Variants in DMD observed in about 807,000 individuals in gnomAD.
The protein encoded by DMD is dystrophin.
Under a neutral mutation model 330.1 loss-of-function variants are expected in DMD, and 63 were observed. That is an observed-to-expected ratio of 0.19 (90% confidence interval 0.16 to 0.24). DMD has a LOEUF of 0.24. Among genes scored for constraint, DMD ranks in the 10% least tolerant of loss-of-function variants. The pLI, the probability that DMD is intolerant of heterozygous loss-of-function variation, is 1.00. For synonymous variants in DMD, 1,223 were observed against 959.8 expected, an observed-to-expected ratio of 1.27 and a Z score of -5.07; for missense variants, 3,344 against 2,684.1, an observed-to-expected ratio of 1.25 and a Z score of -5.43.
intron 48 of DMD, among the ~76,000 whole-genome samples, chrX:31,856,638 G>A (rs1350840369): frequency 8.9e-6 from 1 of 111,829 alleles, no homozygotes; most frequent in East Asian, 2.8e-4. Flanking sequence ...CTAACAAATT[G>A]GACTTTAGTT....
chrX:31,228,275 T>G (rs5927710), intron 63 of DMD, among the ~76,000 whole-genome samples: 3 of 83,995 alleles, frequency 3.6e-5, no homozygotes, highest in East Asian at 3.8e-4. Context: ...AATAAAAAAA[T>G]AAAAAAAAAA....
intron 43 of DMD, among the ~76,000 whole-genome samples, chrX:32,234,907 T>G (rs2097181899): frequency 8.9e-6 from 1 of 111,846 alleles, no homozygotes; most frequent in Non-Finnish European, 1.9e-5. Flanking sequence ...TTAAGTCATC[T>G]TTTAATGTTC....
chrX:32,645,254 T>G, intron 9 of DMD, 102 bp from the exon 10 acceptor site: 1 of 899,491 alleles, frequency 1.1e-6, no homozygotes, highest in Non-Finnish European at 1.6e-6. Flanking sequence ...ATGCTAGGAC[T>G]GTCCACTGGC....
At chrX:33,062,334 T>C (rs1455457178) in intron 1 of DMD, among the ~76,000 whole-genome samples, 1 of 111,827 alleles carries the variant, frequency 8.9e-6, no homozygotes, top group African/African-American at 3.3e-5. Context: ...GAATTCTTGA[T>C]CCAACCTCTA....
At chrX:31,594,860 C>A (rs1407068333) in intron 55 of DMD, among the ~76,000 whole-genome samples, 1 of 111,150 alleles carries the variant, frequency 9.0e-6, no homozygotes, top group Non-Finnish European at 1.9e-5. Flanking sequence ...ACTATACCCC[C>A]TTTCACAGTA....
In DMD at chrX:31,951,126, T is replaced by C. The variant is rs1001688614; in HGVS notation, c.6614+17213A>G. 1.1e-3 allele frequency among the ~76,000 whole-genome samples: 88 copies of C among 80,355 alleles called. 1 individual carries two copies. The highest frequency in any genetic ancestry group is 4.4e-3 in the African/African-American group (80 of 18,001). The allele number at this position is 80,355 out of a possible 115,157, so 69.8% of individuals were successfully genotyped here. On this transcript the variant is annotated intron_variant, in intron 45 of 78. Transcript: ENST00000357033. ...AACACACATACTATATATATACATATATATATATATATATGTGTATATATA... is the reference window on the plus strand; with the variant it reads ...AACACACATACTATATATATACATACATATATATATATATGTGTATATATA...
chrX:32,545,040 G>A, intron 17 of DMD, 119 bp downstream of exon 17: 1 of 681,663 alleles, frequency 1.5e-6, no homozygotes, highest in Non-Finnish European at 2.3e-6. Context: ...TACATTAACT[G>A]ACATTACAGG....
intron 2 of DMD, among the ~76,000 whole-genome samples, chrX:32,932,523 G>C (rs1315862682): frequency 9.0e-6 from 1 of 111,113 alleles, no homozygotes; most frequent in Non-Finnish European, 1.9e-5. Context: ...AGACCTCTAA[G>C]GCATTTGGAA....
rs764258958 is a variant in DMD, at chrX:33,062,477, T to C, written c.32-42277A>G. Among the ~76,000 whole-genome samples, 196 of 112,311 alleles carry C rather than the reference T, an allele frequency of 1.7e-3. 1 individual carries two copies. The highest frequency in any genetic ancestry group is 3.2e-3 in the Non-Finnish European group (169 of 53,255). ...TTCTACAATTTTTGTTTTTATTTAT[T>C]TATCTATTTATTTTTGAAAGATGGA... On this transcript the variant is annotated intron_variant, in intron 1 of 78. Transcript: ENST00000357033.
chrX:33,273,312 A>T (rs2148915376), intron 1 of DMD, among the ~76,000 whole-genome samples: 1 of 112,667 alleles, frequency 8.9e-6, no homozygotes, highest in African/African-American at 3.2e-5. Flanking sequence ...AAAAAGAAGC[A>T]TTTACCATGC....
At chrX:32,653,932 G>A (rs759318708) in intron 9 of DMD, among the ~76,000 whole-genome samples, 1 of 111,776 alleles carries the variant, frequency 8.9e-6, no homozygotes, top group South Asian at 3.7e-4. Context: ...TGTGAATGGA[G>A]TTCACTCATG....
chrX:32,728,903 A>G (rs1056164561), intron 7 of DMD, among the ~76,000 whole-genome samples: 2 of 111,977 alleles, frequency 1.8e-5, no homozygotes, highest in African/African-American at 6.5e-5. Flanking sequence ...TTGCCATGCC[A>G]AACTGAAATA....
chrX:32,006,774 C>T (rs2095664452), intron 44 of DMD, among the ~76,000 whole-genome samples: 1 of 109,793 alleles, frequency 9.1e-6, no homozygotes, highest in Non-Finnish European at 1.9e-5. Context: ...GACTGGTGTC[C>T]TTTTGCGGCA....
chrX:32,537,382 TA>T (rs888990667), intron 17 of DMD, among the ~76,000 whole-genome samples: 9 of 110,964 alleles, frequency 8.1e-5, no homozygotes, highest in South Asian at 3.8e-4. Context: ...AAGAAGAAAA[TA>T]AAATCACAAT....
intron 1 of DMD, among the ~76,000 whole-genome samples, chrX:33,318,623 T>A (rs1170453330): frequency 9.2e-6 from 1 of 108,314 alleles, no homozygotes; most frequent in Non-Finnish European, 1.9e-5. Flanking sequence ...TGTTTGTATT[T>A]CTTAGTAGAG....
At chrX:31,327,999 TGCATAA>T (rs2056885036) in intron 61 of DMD, among the ~76,000 whole-genome samples, 1 of 112,495 alleles carries the variant, frequency 8.9e-6, no homozygotes, top group African/African-American at 3.2e-5. Context: ...TACAGGTGTT[TGCATAA>T]GCATAAGTTT....
chrX:33,297,984 C>T (rs2053607318), intron 1 of DMD, among the ~76,000 whole-genome samples: 1 of 110,510 alleles, frequency 9.0e-6, no homozygotes, highest in African/African-American at 3.3e-5. Flanking sequence ...CTACTATGCC[C>T]GGTGATGGAT....
chrX:32,088,500 TAAA>T (rs35808590), intron 44 of DMD, among the ~76,000 whole-genome samples: 2,660 of 87,292 alleles, frequency 0.03, 90 homozygotes, highest in African/African-American at 0.097. Context: ...AAGCGATGAC[TAAA>T]AAAAAAAAAA....
intron 62 of DMD, among the ~76,000 whole-genome samples, chrX:31,274,481 G>T (rs1313951222): frequency 9.0e-6 from 1 of 111,539 alleles, no homozygotes; most frequent in Non-Finnish European, 1.9e-5. Flanking sequence ...GGCAAGCCTT[G>T]AACAGCCAGC....
Sources: allele counts gnomAD v4.1 joint callset (sites outside exome capture counted in the v4.1 genomes callset), GRCh38; gene constraint gnomAD v4.1.1; transcripts MANE v1.5; gene names NCBI Gene and HGNC (gene_info 2026-07-23, HGNC 2026-07-21).